Variants in ELAPOR1 observed in about 807,000 individuals in gnomAD.
ELAPOR1 encodes the protein endosome/lysosome-associated apoptosis and autophagy regulator 1.
Under a neutral mutation model 119.7 loss-of-function variants are expected in ELAPOR1, and 77 were observed. The ratio of observed to expected loss-of-function variants is 0.64; its 90% CI spans 0.54 to 0.78. The LOEUF is 0.78. Ranked by LOEUF, ELAPOR1 falls within the 30% of genes least tolerant of loss-of-function variation. The pLI is 0.00. For missense variants in ELAPOR1, 1,115 were observed against 1,270.4 expected (o/e 0.88, Z 1.86); for synonymous variants, 481 against 487.2 (o/e 0.99, Z 0.17).
chr1:109,175,159 T>G (rs1202839650), intron 7 of ELAPOR1, among the ~76,000 whole-genome samples: 1 of 151,632 alleles, frequency 6.6e-6, no homozygotes, highest in Non-Finnish European at 1.5e-5. Flanking sequence ...CTGTGCCCAG[T>G]CCAGTCATTT....
intron 1 of ELAPOR1, among the ~76,000 whole-genome samples, chr1:109,150,786 A>T (rs566355241): frequency 2.3e-4 from 35 of 152,130 alleles, no homozygotes; most frequent in Non-Finnish European, 4.4e-4. Context: ...AAAACCCTAG[A>T]CTCTGGAGCA....
intron 7 of ELAPOR1, among the ~76,000 whole-genome samples, chr1:109,182,824 G>T (rs1361315294): frequency 6.9e-6 from 1 of 145,082 alleles, no homozygotes; most frequent in Non-Finnish European, 1.5e-5. Flanking sequence ...CCGAGATCGT[G>T]CCACTGCACT....
intron 7 of ELAPOR1, among the ~76,000 whole-genome samples, chr1:109,177,141 G>GC (rs1224365389): frequency 1.5e-5 from 2 of 133,230 alleles, no homozygotes; most frequent in Non-Finnish European, 1.6e-5. Flanking sequence ...AGACAGGGTG[G>GC]TGGCCGGGCA....
At chr1:109,151,829 A>G (rs1650548027) in intron 1 of ELAPOR1, among the ~76,000 whole-genome samples, 2 of 151,142 alleles carry the variant, frequency 1.3e-5, no homozygotes, top group South Asian at 4.2e-4. Flanking sequence ...TGACTCTGCT[A>G]TACCCAGCTC....
chr1:109,137,550 G>A (rs919322987), intron 1 of ELAPOR1, among the ~76,000 whole-genome samples: 3 of 141,876 alleles, frequency 2.1e-5, no homozygotes, highest in Admixed American at 1.5e-4. Context: ...TTTTTGAGGC[G>A]GAGTTTCGCT....
intron 14 of ELAPOR1, among the ~76,000 whole-genome samples, chr1:109,193,674 A>G (rs967481630): frequency 1.3e-4 from 20 of 152,320 alleles, no homozygotes; most frequent in African/African-American, 3.8e-4. Flanking sequence ...ATGAATTTGC[A>G]TTTTACTGAT....
In ELAPOR1 at chr1:109,171,896, C is replaced by G; in HGVS notation, c.498C>G (p.Ile166Met). 4 of 1,614,234 alleles carry G rather than the reference C, an allele frequency of 2.5e-6. No individual in the cohort carries two copies. The highest frequency in any genetic ancestry group is 3.4e-6 in the Non-Finnish European group (4 of 1,180,046). ...AGTGGGTTCCCCGGGGCGACTACAT[C>G]GCCTCCAACACGGACGAATGCACAG... is the stretch of plus-strand genomic sequence containing the variant. ...SSKWVPRGDY[I>M]ASNTDECTAT... Residue 166 changes from isoleucine to methionine, a missense_variant, in exon 4 of 22, where the codon ATC becomes ATG. By Grantham distance (10) the Ile-to-Met change is conservative (BLOSUM62 1). Transcript: ENST00000369939.
At chr1:109,124,659 C>G (rs1648659247) in intron 1 of ELAPOR1, among the ~76,000 whole-genome samples, 1 of 152,154 alleles carries the variant, frequency 6.6e-6, no homozygotes, top group Non-Finnish European at 1.5e-5. Flanking sequence ...GGAGAAATTG[C>G]ATCAATTTTT....
intron 21 of ELAPOR1, among the ~76,000 whole-genome samples, chr1:109,201,940 A>G (rs1654194808): frequency 6.6e-6 from 1 of 152,124 alleles, no homozygotes; most frequent in Non-Finnish European, 1.5e-5. Context: ...TCTCTACAAA[A>G]TAAAAAACAA....
Position 109,192,623 on chromosome 1 carries a change from A to G in ELAPOR1, c.1696A>G (p.Thr566Ala), listed in dbSNP as rs753436038. 6.8e-6 allele frequency: 11 copies of G among 1,613,972 alleles called. No individual in the cohort carries two copies. Among genetic ancestry groups the G allele is most frequent in the Non-Finnish European group, 8.5e-6 (10 of 1,179,974 alleles). ...TTFHEASRKY[T>A]NDVAKIYSIN... ...TCCTTGTCTCCAGAGCAGGAAGTAC[A>G]CCAATGACGTTGCCAAGATCTACTC... Residue 566 changes from threonine (T) to alanine (A), a missense_variant, in exon 14 of 22, where the codon ACC (threonine) becomes GCC (alanine). Thr to Ala is a moderately conservative substitution (Grantham distance 58). Transcript: ENST00000369939.
At chr1:109,128,914 A>G (rs141373946) in intron 1 of ELAPOR1, among the ~76,000 whole-genome samples, 54 of 152,330 alleles carry the variant, frequency 3.5e-4, no homozygotes, top group Admixed American at 9.2e-4. Flanking sequence ...CTTATTAAAT[A>G]AGAGAAATCA....
intron 1 of ELAPOR1, among the ~76,000 whole-genome samples, chr1:109,160,349 A>G (rs1255907723): frequency 6.6e-6 from 1 of 152,022 alleles, no homozygotes; most frequent in Non-Finnish European, 1.5e-5. Context: ...ACCATATTGC[A>G]ACAAGTCTGA....
chr1:109,162,140 A>G (rs1213307843), intron 2 of ELAPOR1, 126 bp downstream of exon 2: 3 of 1,049,892 alleles, frequency 2.9e-6, no homozygotes, highest in Non-Finnish European at 4.1e-6. Context: ...TCTTTTCCCC[A>G]ATTAGTCCCC....
intron 16 of ELAPOR1, 26 bp from the exon 17 acceptor site, chr1:109,197,953 A>C: frequency 1.3e-6 from 2 of 1,573,778 alleles, no homozygotes; most frequent in Non-Finnish European, 1.7e-6. Context: ...ACTAGTGAGA[A>C]CTAATTAGGA....
At chr1:109,148,717 C>G (rs2101014770) in intron 1 of ELAPOR1, among the ~76,000 whole-genome samples, 1 of 152,276 alleles carries the variant, frequency 6.6e-6, no homozygotes, top group Admixed American at 6.5e-5. Context: ...TTTGCATAGG[C>G]CACAACCTAG....
Position 109,173,668 on chromosome 1 carries a change from G to A in ELAPOR1, c.803-20G>A, listed in dbSNP as rs1558049964. On this transcript the variant is annotated intron_variant, in intron 6 of 21. Transcript: ENST00000369939. ...CTCCAGGCTGAATCCTTGCTTTTCT[G>A]TGCTCTTCCTCCTCCCTAGGGGTGG... 1 of 1,613,482 alleles carries A rather than the reference G, an allele frequency of 6.2e-7. No homozygotes were observed. The highest frequency in any genetic ancestry group is 2.2e-5 in the East Asian group (1 of 44,872).
chr1:109,183,868 G>A (rs1448869810), intron 7 of ELAPOR1, among the ~76,000 whole-genome samples: 1 of 151,902 alleles, frequency 6.6e-6, no homozygotes, highest in Non-Finnish European at 1.5e-5. Context: ...CTAAAGTGCT[G>A]GGATTACAGG....
chr1:109,172,057 T>C, intron 4 of ELAPOR1, 44 bp downstream of exon 4: 1 of 1,608,412 alleles, frequency 6.2e-7, no homozygotes. Context: ...AAAAAGCCTC[T>C]CTGGGGTTCA....
intron 1 of ELAPOR1, among the ~76,000 whole-genome samples, chr1:109,144,628 G>C (rs1357017791): frequency 1.3e-5 from 2 of 152,064 alleles, no homozygotes; most frequent in Non-Finnish European, 2.9e-5. Context: ...AGTAATCCCA[G>C]CTACTCGGGA....
Sources: gnomAD v4.1 joint callset for allele counts (sites outside exome capture counted in the v4.1 genomes callset) on GRCh38, gnomAD v4.1.1 for gene constraint, MANE v1.5 for transcripts, NCBI Gene and HGNC (gene_info 2026-07-23, HGNC 2026-07-21) for gene names.